Variants in ZNF814 observed in about 807,000 individuals in gnomAD.
The protein encoded by ZNF814 is zinc finger protein 814.
A neutral mutation model predicts 7.5 loss-of-function variants in ZNF814; 5 were observed. The observed-to-expected ratio is 0.67, with a 90% CI of 0.35 to 1.40. The LOEUF is 1.40. Among genes scored for constraint, ZNF814 ranks in the 40% most tolerant of loss-of-function variants. The pLI, the probability that ZNF814 is intolerant of heterozygous loss-of-function variation, is 0.04. For synonymous variants in ZNF814, 315 were observed against 340.7 expected (o/e 0.92, Z 0.83); for missense variants, 962 against 1,018.0 (o/e 0.94, Z 0.75).
Position 57,872,384 on chromosome 19 carries a change from A to C in ZNF814, c.*438T>G. 1 of 215,978 alleles carries C rather than the reference A, an allele frequency of 4.6e-6. No homozygotes were observed. The highest frequency in any genetic ancestry group is 1.2e-4 in the South Asian group (1 of 8,332). The allele number at this position is 215,978 out of a possible 1,614,324, so 13.4% of individuals were successfully genotyped here. On this transcript the variant is annotated 3_prime_UTR_variant, in exon 3 of 3. Coordinates refer to ENST00000435989, the MANE Select transcript of ZNF814 (RefSeq NM_001144989.2). ...AGTCTCCTGTGTGTTATGAAGCTAG[A>C]TTTCTACATAAATATCTCACATGTC...
At position 57,873,918 on chromosome 19, in the gene ZNF814, G is replaced by T. The variant is rs781084374; in HGVS notation, c.1472C>A (p.Pro491His). The T allele has an allele frequency of 6.2e-7, 1 of 1,613,160 alleles. No individual in the cohort carries two copies. Among genetic ancestry groups the T allele is most frequent in the Admixed American group, 1.7e-5 (1 of 59,894 alleles). The change falls in exon 3 of 3, where the codon CCT becomes CAT. Residue 491 changes from proline to histidine, a missense_variant. Coordinates refer to ENST00000435989, the MANE Select transcript of ZNF814 (RefSeq NM_001144989.2). ...HHQRVHSGERPYQCGECGKSF... is the reference protein window; with the variant it reads ...HHQRVHSGERHYQCGECGKSF... ...TTTCCCACATTCTCCACACTGATAAGGTCTTTCTCCACTGTGAACTCGCTG... is the reference window on the plus strand; with the variant it reads ...TTTCCCACATTCTCCACACTGATAATGTCTTTCTCCACTGTGAACTCGCTG...
At chr19:57,880,431 TAC>T (rs1436322767) in intron 1 of ZNF814, among the ~76,000 whole-genome samples, 1 of 150,774 alleles carries the variant, frequency 6.6e-6, no homozygotes, top group Non-Finnish European at 1.5e-5. Flanking sequence ...TCTAAGTGTT[TAC>T]ACAGTTTCAC....
In ZNF814 at chr19:57,873,021, T is replaced by C. The variant is rs545657690; in HGVS notation, c.2369A>G (p.His790Arg). Residue 790 changes from histidine to arginine, a missense_variant, in exon 3 of 3, where the codon CAC (histidine) becomes CGC (arginine). This residue lies in a region of ZNF814 where 665 missense variants were observed against 551.4 expected (regional missense o/e 1.21). Transcript: ENST00000435989. ...SFAESSSFTK[H>R]KRVHTGEKPY... ...CTTTTCTCCAGTGTGAACTCTTTTG[T>C]GTTTTGTGAAACTGGAGCTTTCAGC... 1.2e-5 allele frequency: 20 copies of C among 1,613,760 alleles called. No homozygotes were observed. The highest frequency in any genetic ancestry group is 1.2e-5 in the Non-Finnish European group (14 of 1,179,862).
chr19:57,890,413 C>T (rs181125489), upstream of ZNF814, among the ~76,000 whole-genome samples: 2 of 152,198 alleles, frequency 1.3e-5, no homozygotes, highest in Admixed American at 1.3e-4. Context: ...GGCTGAAGTG[C>T]AATGTCACGA....
the ZNF814 span, among the ~76,000 whole-genome samples, chr19:57,897,346 A>G: frequency 6.6e-6 from 1 of 152,274 alleles, no homozygotes; most frequent in African/African-American, 2.4e-5. Flanking sequence ...AATACGCCCC[A>G]TTTTTCAGGC....
the ZNF814 span, among the ~76,000 whole-genome samples, chr19:57,895,702 C>T: frequency 7.9e-5 from 12 of 152,220 alleles, no homozygotes; most frequent in African/African-American, 1.9e-4. Flanking sequence ...TACCCAAAGT[C>T]GGCCAATTAG....
At chr19:57,891,883 AC>A (rs1268150452), upstream of ZNF814, among the ~76,000 whole-genome samples, 1 of 152,030 alleles carries the variant, frequency 6.6e-6, no homozygotes, top group Non-Finnish European at 1.5e-5. Context: ...CATCCTGAGT[AC>A]CTGGGACTAC....
chr19:57,892,734 C>T (rs953787973), upstream of ZNF814, among the ~76,000 whole-genome samples: 4 of 152,230 alleles, frequency 2.6e-5, no homozygotes, highest in Admixed American at 1.3e-4. Context: ...TTCAGTGTCA[C>T]TGCAATGGGA....
chr19:57,885,037 G>A (rs570175713), intron 1 of ZNF814, among the ~76,000 whole-genome samples: 2 of 152,232 alleles, frequency 1.3e-5, no homozygotes, highest in South Asian at 4.1e-4. Context: ...TAAAGAAAAT[G>A]TAGGCCGGAC....
At chr19:57,888,590 T>C (rs1398866343) in intron 1 of ZNF814, among the ~76,000 whole-genome samples, 177 bp downstream of exon 1, 1 of 152,120 alleles carries the variant, frequency 6.6e-6, no homozygotes, top group East Asian at 1.9e-4. Context: ...CGCCAGTCCC[T>C]GTACCTGCCG....
chr19:57,879,705 C>A (rs1291714209), intron 1 of ZNF814, among the ~76,000 whole-genome samples: 58 of 149,922 alleles, frequency 3.9e-4, no homozygotes, highest in Non-Finnish European at 8.0e-4. Flanking sequence ...GTGAAAACAA[C>A]CCTCCTTATA....
Position 57,874,644 on chromosome 19 carries a change from T to C in ZNF814, c.746A>G (p.Lys249Arg). 1 of 1,555,702 alleles carries C rather than the reference T, an allele frequency of 6.4e-7. No homozygotes were observed. Among genetic ancestry groups the C allele is most frequent in the Non-Finnish European group, 8.7e-7 (1 of 1,148,780 alleles). The stretch of plus-strand genomic sequence containing the variant: ...CAAGCTAGCATATTTGCTAAAGGAC[T>C]TCCCACATTCACAGCACACATAACA... ...EECYVCCECG[K>R]SFSKYASLSN... The change falls in exon 3 of 3, where the codon AAG (lysine) becomes AGG (arginine). Residue 249 changes from lysine (K) to arginine (R), a missense_variant. Transcript: ENST00000435989.
At chr19:57,891,833 A>C (rs1416190173), upstream of ZNF814, among the ~76,000 whole-genome samples, 1 of 152,058 alleles carries the variant, frequency 6.6e-6, no homozygotes, top group Non-Finnish European at 1.5e-5. Flanking sequence ...AGCTCACTGC[A>C]ACCTCCACCT....
At chr19:57,901,049 C>CA in the ZNF814 span, among the ~76,000 whole-genome samples, 2 of 147,176 alleles carry the variant, frequency 1.4e-5, no homozygotes, top group African/African-American at 5.1e-5. Flanking sequence ...GGGGTTTCAC[C>CA]GTGGTCTTGA....
chr19:57,884,331 A>C (rs1037451006), intron 1 of ZNF814, among the ~76,000 whole-genome samples: 8 of 152,310 alleles, frequency 5.3e-5, no homozygotes, highest in African/African-American at 1.9e-4. Flanking sequence ...GAAGACATAC[A>C]GTCAGGAGCA....
intron 1 of ZNF814, among the ~76,000 whole-genome samples, chr19:57,885,490 C>T (rs10427022): frequency 3.2e-4 from 48 of 151,090 alleles, no homozygotes; most frequent in African/African-American, 1.1e-3. Context: ...ATTAGCCAGC[C>T]GCAATGGCAG....
chr19:57,883,011 C>T (rs1040292525), intron 1 of ZNF814, among the ~76,000 whole-genome samples: 2 of 152,116 alleles, frequency 1.3e-5, no homozygotes, highest in African/African-American at 4.8e-5. Flanking sequence ...AAGACAAACA[C>T]GGAGAAAGAA....
At chr19:57,888,706 T>C in intron 1 of ZNF814, 61 bp downstream of exon 1, 2 of 1,544,868 alleles carry the variant, frequency 1.3e-6, no homozygotes, top group Non-Finnish European at 1.8e-6. Flanking sequence ...CAGGCGCTGC[T>C]ACCTCGCTGC....
chr19:57,895,335 G>T, the ZNF814 span, among the ~76,000 whole-genome samples: 32 of 151,202 alleles, frequency 2.1e-4, no homozygotes, highest in African/African-American at 7.3e-4. Flanking sequence ...GAGTGCAGTG[G>T]TGCGATCTCG....
Sources: gnomAD v4.1 joint callset for allele counts (sites outside exome capture counted in the v4.1 genomes callset) on GRCh38, gnomAD v4.1.1 for gene constraint, gnomAD v4.1.1 regional missense constraint, MANE v1.5 for transcripts, NCBI Gene and HGNC (gene_info 2026-07-23, HGNC 2026-07-21) for gene names.